Variants in CCL26 observed in about 807,000 individuals in gnomAD.
CCL26 encodes C-C motif chemokine 26.
A neutral mutation model predicts 10.7 loss-of-function variants in CCL26; 10 were observed. The ratio of observed to expected loss-of-function variants is 0.93; its 90% CI spans 0.57 to 1.58. The LOEUF (loss-of-function observed/expected upper bound fraction) is 1.58. Ranked by LOEUF, CCL26 falls within the 40% of genes most tolerant of loss-of-function variation. The pLI is 0.00. For missense variants in CCL26, 116 were observed against 111.0 expected (o/e 1.05, Z -0.20); for synonymous variants, 43 against 41.4 (o/e 1.04, Z -0.15).
intron 2 of CCL26, among the ~76,000 whole-genome samples, chr7:75,771,343 T>C (rs1554528066): frequency 1.3e-5 from 2 of 152,166 alleles, no homozygotes. Context: ...GCACTCAACA[T>C]GTCATTTAAT....
At chr7:75,789,459 C>CTTTTTTTTTTTTT (rs782166200) in intron 1 of CCL26, among the ~76,000 whole-genome samples, 29 of 104,308 alleles carry the variant, frequency 2.8e-4, no homozygotes, top group Middle Eastern at 5.3e-3. Flanking sequence ...TTCTCTTTTT[C>CTTTTTTTTTTTTT]TCTTTTTTTT....
chr7:75,773,655 C>T (rs1310023200), upstream of CCL26, among the ~76,000 whole-genome samples: 3 of 151,892 alleles, frequency 2.0e-5, no homozygotes, highest in South Asian at 2.1e-4. Context: ...GCAGGGGGAT[C>T]GTCTGAGGTC....
At chr7:75,788,911 C>T (rs1403186696) in intron 1 of CCL26, among the ~76,000 whole-genome samples, 2 of 150,892 alleles carry the variant, frequency 1.3e-5, no homozygotes, top group South Asian at 2.2e-4. Context: ...AGTTTGCATA[C>T]CTTTCTTTTC....
chr7:75,772,248 G>A, upstream of CCL26: 1 of 1,114,278 alleles, frequency 9.0e-7, no homozygotes, highest in Non-Finnish European at 1.3e-6. Context: ...ATGAGACTGA[G>A]ACGGCCCTGA....
chr7:75,779,177 A>C (rs537130670), intron 1 of CCL26, among the ~76,000 whole-genome samples: 1 of 151,996 alleles, frequency 6.6e-6, no homozygotes, highest in Non-Finnish European at 1.5e-5. Context: ...CCCAAATCCT[A>C]TAAAACAGCC....
intron 1 of CCL26, among the ~76,000 whole-genome samples, chr7:75,785,267 T>A (rs1374578562): frequency 2.6e-5 from 4 of 152,176 alleles, no homozygotes; most frequent in African/African-American, 9.7e-5. Flanking sequence ...TCCCCGCAGC[T>A]TACCAGGGCT....
intron 1 of CCL26, among the ~76,000 whole-genome samples, chr7:75,779,914 G>T (rs1258252239): frequency 1.3e-5 from 2 of 151,638 alleles, no homozygotes; most frequent in Non-Finnish European, 2.9e-5. Context: ...CACTTTCCTG[G>T]GGGGCAAGCA....
intron 1 of CCL26, among the ~76,000 whole-genome samples, chr7:75,782,261 C>T (rs542468446): frequency 6.9e-4 from 105 of 152,196 alleles, no homozygotes; most frequent in Non-Finnish European, 1.3e-3. Flanking sequence ...GCGCCAGTCA[C>T]GGACTCGGGA....
upstream of CCL26, among the ~76,000 whole-genome samples, chr7:75,790,746 C>T (rs1803312946): frequency 6.6e-6 from 1 of 151,938 alleles, no homozygotes; most frequent in Non-Finnish European, 1.5e-5. Flanking sequence ...GAGTTCAAGA[C>T]CAACCTGGCC....
chr7:75,788,032 C>G (rs1803240964), intron 1 of CCL26, among the ~76,000 whole-genome samples: 1 of 152,056 alleles, frequency 6.6e-6, no homozygotes, highest in South Asian at 2.1e-4. Flanking sequence ...CCATGCCGCC[C>G]CTAATCCTTC....
In CCL26 at chr7:75,788,287, T is replaced by C. The variant is rs551975341; in HGVS notation, c.-79+1430A>G. On this transcript the variant is annotated intron_variant, in intron 1 of 3. Transcript: ENST00000394905. ...TGAAAATGGCCTGTTCTTGCCTTAA[T>C]TGATGACATTACCTTGTGAAATTCC... Among the ~76,000 whole-genome samples the C allele has an allele frequency of 3.1e-3, 466 of 152,242 alleles. 1 individual carries two copies. Among genetic ancestry groups the C allele is most frequent in the African/African-American group, 0.011 (455 of 41,548 alleles).
chr7:75,786,255 G>T (rs574650067), intron 1 of CCL26, among the ~76,000 whole-genome samples: 1 of 152,088 alleles, frequency 6.6e-6, no homozygotes, highest in South Asian at 2.1e-4. Flanking sequence ...CTTCTTTCCT[G>T]TTCCTCACCC....
At chr7:75,780,177 T>G (rs1803031362) in intron 1 of CCL26, among the ~76,000 whole-genome samples, 1 of 149,702 alleles carries the variant, frequency 6.7e-6, no homozygotes, top group South Asian at 2.1e-4. Context: ...CCCACCCCTT[T>G]TTCCACTTTC....
upstream of CCL26, among the ~76,000 whole-genome samples, chr7:75,790,770 C>T (rs1031295851): frequency 6.6e-6 from 1 of 151,872 alleles, no homozygotes; most frequent in Non-Finnish European, 1.5e-5. Context: ...GTGGTGAAAT[C>T]CCGTCTCTAT....
rs540334304 is a variant in CCL26 at position 75,781,096 on chromosome 7, G to A, written c.-79+8621C>T. Among the ~76,000 whole-genome samples, 53 of 152,208 alleles carry A rather than the reference G, an allele frequency of 3.5e-4. 1 individual carries two copies. Among genetic ancestry groups the A allele is most frequent in the Non-Finnish European group, 8.8e-5 (6 of 68,018 alleles). ...GGCCCATTTCACAACAACCCTTAGC[G>A]GCTTTACAGCCCTAGGCCCTGAAAG... On this transcript the variant is annotated intron_variant, in intron 1 of 3. Transcript: ENST00000394905.
intron 1 of CCL26, among the ~76,000 whole-genome samples, chr7:75,783,697 GA>G (rs759124419): frequency 8.3e-4 from 125 of 150,624 alleles, no homozygotes; most frequent in Non-Finnish European, 1.6e-3. Context: ...TGAGGCAGGA[GA>G]ATGGCGTGAA....
intron 1 of CCL26, among the ~76,000 whole-genome samples, chr7:75,786,630 C>A (rs1335217874): frequency 6.6e-6 from 1 of 152,160 alleles, no homozygotes; most frequent in Non-Finnish European, 1.5e-5. Context: ...GGCATCAGAT[C>A]CCGTAGCTCA....
upstream of CCL26, among the ~76,000 whole-genome samples, chr7:75,772,687 A>G (rs11465327): frequency 6.6e-6 from 1 of 151,960 alleles, no homozygotes; most frequent in South Asian, 2.1e-4. Flanking sequence ...CAAACAACAA[A>G]AAAAAACAAG....
Position 75,783,709 on chromosome 7 carries a change from C to A in CCL26, c.-79+6008G>T, listed in dbSNP as rs543278849. On this transcript the variant is annotated intron_variant, in intron 1 of 3. Transcript: ENST00000394905. ...GGCTGAGGCAGGAGAATGGCGTGAA[C>A]CCGGTAGGTGGAGCTTGCAGTGAGC... is the stretch of plus-strand genomic sequence containing the variant. Among the ~76,000 whole-genome samples, 269 of 151,774 alleles carry A rather than the reference C, an allele frequency of 1.8e-3. 2 individuals are homozygous for A. The highest frequency in any genetic ancestry group is 1.4e-3 in the Non-Finnish European group (96 of 67,924).
Sources: gnomAD v4.1 joint callset for allele counts (sites outside exome capture counted in the v4.1 genomes callset) on GRCh38, gnomAD v4.1.1 for gene constraint, MANE v1.5 for transcripts, NCBI Gene and HGNC (gene_info 2026-07-23, HGNC 2026-07-21) for gene names.